Variants in DNAJB6 observed in about 807,000 individuals in gnomAD.
DNAJB6 encodes the protein DnaJ heat shock protein family (Hsp40) member B6, also known as dnaJ homolog subfamily B member 6.
Under a neutral mutation model 42.7 loss-of-function variants are expected in DNAJB6, and 16 were observed. The observed-to-expected ratio is 0.37, with a 90% CI of 0.25 to 0.57. DNAJB6 has a LOEUF of 0.57. Among genes scored for constraint, DNAJB6 ranks in the 20% least tolerant of loss-of-function variants. DNAJB6 has a pLI of 0.74. For synonymous variants in DNAJB6, 170 were observed against 163.5 expected, an observed-to-expected ratio of 1.04 and a Z score of -0.30; for missense variants, 347 against 416.8, an observed-to-expected ratio of 0.83 and a Z score of 1.46.
At chr7:157,403,991 G>A (rs1226965228) in intron 8 of DNAJB6, among the ~76,000 whole-genome samples, 1 of 151,760 alleles carries the variant, frequency 6.6e-6, no homozygotes, top group Non-Finnish European at 1.5e-5. Context: ...TTTTTTTTAA[G>A]GCAGGATTTC....
At position 157,406,746 on chromosome 7, in the gene DNAJB6, G is replaced by A. The variant is rs575384616; in HGVS notation, c.692-3049G>A. On this transcript the variant is annotated intron_variant, in intron 8 of 9. Transcript: ENST00000262177. ...AACGCAACATCCATGCCTGCCTGGCGGTCTCAGCCTCTGAGGAGACGACAC... is the reference window on the plus strand; with the variant it reads ...AACGCAACATCCATGCCTGCCTGGCAGTCTCAGCCTCTGAGGAGACGACAC... Among the ~76,000 whole-genome samples the A allele has an allele frequency of 8.5e-5, 13 of 152,362 alleles. No homozygotes were observed. The East Asian group carries it at 2.3e-3, about 27-fold the overall frequency.
chr7:157,368,393 G>T (rs1379174997), intron 5 of DNAJB6, among the ~76,000 whole-genome samples: 2 of 152,158 alleles, frequency 1.3e-5, no homozygotes, highest in Non-Finnish European at 2.9e-5. Context: ...AGTACTGTTG[G>T]CAAGACCTTT....
intron 5 of DNAJB6, among the ~76,000 whole-genome samples, chr7:157,370,054 C>T (rs904798775): frequency 7.9e-5 from 11 of 139,460 alleles, no homozygotes; most frequent in African/African-American, 2.8e-4. Flanking sequence ...ACAGGTCTTT[C>T]ATAACGTTAT....
rs770804521 is a variant in DNAJB6, at chr7:157,366,504, A to G, written c.178A>G (p.Lys60Glu). ...CCGACTTTTCTTTCAATTTTTAGCT[A>G]AGAAACGGGACATCTATGACAAATA... The part of the protein sequence containing the change: ...AEAYEVLSDA[K>E]KRDIYDKYGK... The change falls in exon 4 of 10, where the codon AAG (lysine) becomes GAG (glutamate). Residue 60 changes from lysine (K) to glutamate (E), a missense_variant and splice_region_variant. Around this residue, in one of 3 missense-constraint regions of DNAJB6, gnomAD observed 78 missense variants for 102.1 expected, o/e 0.76. Coordinates refer to ENST00000262177, the MANE Select transcript of DNAJB6 (RefSeq NM_058246.4). The G allele has an allele frequency of 6.2e-6, 10 of 1,613,916 alleles. No homozygotes were observed. Among genetic ancestry groups the G allele is most frequent in the Non-Finnish European group, 8.5e-6 (10 of 1,179,962 alleles).
intron 1 of DNAJB6, among the ~76,000 whole-genome samples, chr7:157,347,640 GAGTC>G (rs1357373186): frequency 6.6e-6 from 1 of 152,198 alleles, no homozygotes; most frequent in East Asian, 1.9e-4. Context: ...TGTGACACGT[GAGTC>G]AGTAACACAT....
intron 2 of DNAJB6, among the ~76,000 whole-genome samples, chr7:157,361,799 C>T (rs1360407612): frequency 2.0e-5 from 3 of 152,160 alleles, no homozygotes; most frequent in African/African-American, 2.4e-5. Flanking sequence ...GCCGGAGGCT[C>T]GCTCTGTCAC....
At chr7:157,373,452 G>T (rs574216275) in intron 5 of DNAJB6, among the ~76,000 whole-genome samples, 29 of 152,278 alleles carry the variant, frequency 1.9e-4, no homozygotes, top group African/African-American at 6.7e-4. Flanking sequence ...CCAGGTTCAA[G>T]TGATTCTCTT....
intron 1 of DNAJB6, among the ~76,000 whole-genome samples, chr7:157,338,962 C>G (rs558360947): frequency 2.6e-5 from 4 of 152,316 alleles, no homozygotes; most frequent in African/African-American, 9.6e-5. Context: ...GTTCAGCACT[C>G]TCTTCAAAAC....
At chr7:157,348,583 T>C (rs12154718) in intron 1 of DNAJB6, among the ~76,000 whole-genome samples, 61,797 of 151,880 alleles carry the variant, frequency 0.41, 14,001 homozygotes, top group Middle Eastern at 0.56. Context: ...CCCGCACATA[T>C]CGTTTGGAGC....
In DNAJB6 at chr7:157,386,272, A is replaced by AG. The variant is rs1287810015; in HGVS notation, c.691+661_691+662insG. ...TTGTCATTTGCTTTAAAAAAAAAAAAAAAGAAAATAAATGCGAATGTGTTG... is the reference window on the plus strand; with the variant it reads ...TTGTCATTTGCTTTAAAAAAAAAAAAGAAAGAAAATAAATGCGAATGTGTTG... On this transcript the variant is annotated intron_variant, in intron 8 of 9. Coordinates refer to ENST00000262177, the MANE Select transcript of DNAJB6 (RefSeq NM_058246.4). 7.1e-6 allele frequency: 7 copies of AG among 984,846 alleles called. No homozygotes were observed. In the Admixed American group the frequency reaches 4.3e-4, roughly 61 times the overall value. The allele number at this position is 984,846 out of a possible 1,614,324, so 61.0% of individuals were successfully genotyped here. A position where few individuals can be genotyped will look rare whatever the true frequency, so the allele number is the denominator to read the frequency against.
chr7:157,389,406 A>T (rs1245611433), intron 8 of DNAJB6, among the ~76,000 whole-genome samples: 3 of 152,200 alleles, frequency 2.0e-5, no homozygotes, highest in Admixed American at 6.5e-5. Flanking sequence ...ATGGAGGCAG[A>T]TGTTGTTATT....
intron 1 of DNAJB6, among the ~76,000 whole-genome samples, chr7:157,352,018 CAAA>C (rs959292435): frequency 2.7e-5 from 4 of 150,358 alleles, no homozygotes; most frequent in Non-Finnish European, 5.9e-5. Flanking sequence ...AACAAACAAA[CAAA>C]AAAACAAAAC....
At chr7:157,409,262 C>G (rs1367679585) in intron 8 of DNAJB6, among the ~76,000 whole-genome samples, 1 of 152,184 alleles carries the variant, frequency 6.6e-6, no homozygotes, top group African/African-American at 2.4e-5. Context: ...GGGGCCAGAG[C>G]TGGAGCTGCA....
At chr7:157,355,038 C>G (rs1432756259) in intron 1 of DNAJB6, among the ~76,000 whole-genome samples, 5 of 152,188 alleles carry the variant, frequency 3.3e-5, no homozygotes, top group Non-Finnish European at 7.3e-5. Context: ...GAGCTTGGAG[C>G]TTACATCTGG....
At chr7:157,376,975 A>G (rs893119255) in intron 5 of DNAJB6, among the ~76,000 whole-genome samples, 1 of 152,168 alleles carries the variant, frequency 6.6e-6, no homozygotes, top group African/African-American at 2.4e-5. Flanking sequence ...GTGAATGAAA[A>G]CATTTTCTGG....
Position 157,416,468 on chromosome 7 carries a change from C to T in DNAJB6, c.*370C>T. 4.8e-6 allele frequency: 1 copy of T among 207,982 alleles called. No individual in the cohort carries two copies. Among genetic ancestry groups the T allele is most frequent in the Non-Finnish European group, 9.8e-6 (1 of 102,216 alleles). The allele number at this position is 207,982 out of a possible 1,614,324, so 12.9% of individuals were successfully genotyped here. A position where few individuals can be genotyped will look rare whatever the true frequency, so the allele number is the denominator to read the frequency against. Reference sequence around the variant, plus strand: ...AGGGCGCAGATGGCTAACTGAGTAACATTCATGAAATGAGGCTTTCTGTGG... The same window carrying T: ...AGGGCGCAGATGGCTAACTGAGTAATATTCATGAAATGAGGCTTTCTGTGG... On this transcript the variant is annotated 3_prime_UTR_variant, in exon 10 of 10. Transcript: ENST00000262177.
chr7:157,391,342 C>T (rs1801331297), intron 8 of DNAJB6, among the ~76,000 whole-genome samples: 1 of 152,246 alleles, frequency 6.6e-6, no homozygotes, highest in South Asian at 2.1e-4. Flanking sequence ...GGATGCTTTA[C>T]ATAATGCCAG....
At chr7:157,337,649 G>A (rs538207979) in intron 1 of DNAJB6, 7 of 152,422 alleles carry the variant, frequency 4.6e-5, no homozygotes, top group Non-Finnish European at 1.0e-4. Context: ...GCAAAGCCCT[G>A]TTTCTAGAAC....
At chr7:157,361,706 C>G (rs1237801077) in intron 2 of DNAJB6, among the ~76,000 whole-genome samples, 1 of 152,146 alleles carries the variant, frequency 6.6e-6, no homozygotes, top group Non-Finnish European at 1.5e-5. Context: ...TGAATATATG[C>G]TGCTTAGGTT....
Sources: allele counts gnomAD v4.1 joint callset (sites outside exome capture counted in the v4.1 genomes callset), GRCh38; gene constraint gnomAD v4.1.1; regional missense constraint gnomAD v4.1.1; transcripts MANE v1.5; gene names NCBI Gene and HGNC (gene_info 2026-07-23, HGNC 2026-07-21).